Variants in CHRM3 observed in about 807,000 individuals in gnomAD.
The protein encoded by CHRM3 is cholinergic receptor muscarinic 3.
Under a neutral mutation model 41.8 loss-of-function variants are expected in CHRM3, and 11 were observed. The ratio of observed to expected loss-of-function variants is 0.26; its 90% CI spans 0.17 to 0.44. The LOEUF is 0.44. Among genes scored for constraint, CHRM3 ranks in the 20% least tolerant of loss-of-function variants. The pLI is 1.00. For missense variants in CHRM3, 571 were observed against 745.4 expected (o/e 0.77, Z 2.72); for synonymous variants, 297 against 301.4 (o/e 0.99, Z 0.15).
At chr1:239,493,696 G>A (rs1433815316) in intron 2 of CHRM3, among the ~76,000 whole-genome samples, 1 of 152,198 alleles carries the variant, frequency 6.6e-6, no homozygotes, top group Non-Finnish European at 1.5e-5. Context: ...CTATAAGGAA[G>A]AATGAGAATT....
intron 1 of CHRM3, among the ~76,000 whole-genome samples, chr1:239,408,859 C>T (rs1660850661): frequency 6.6e-6 from 1 of 151,694 alleles, no homozygotes; most frequent in Non-Finnish European, 1.5e-5. Context: ...TGGACTCAAG[C>T]AGTCCTCCCG....
chr1:239,495,630 G>T (rs1667829956), intron 2 of CHRM3, among the ~76,000 whole-genome samples: 1 of 152,122 alleles, frequency 6.6e-6, no homozygotes, highest in Non-Finnish European at 1.5e-5. Context: ...ACAGGGTCCT[G>T]CTCCTCACCA....
intron 3 of CHRM3, among the ~76,000 whole-genome samples, chr1:239,630,967 C>T (rs1270292447): frequency 1.3e-5 from 2 of 151,926 alleles, no homozygotes; most frequent in Non-Finnish European, 1.5e-5. Context: ...GGGTCAGTTG[C>T]CCTCCCTTGT....
intron 3 of CHRM3, among the ~76,000 whole-genome samples, chr1:239,617,094 A>G (rs1274103715): frequency 6.6e-6 from 1 of 152,262 alleles, no homozygotes; most frequent in East Asian, 1.9e-4. Flanking sequence ...TAGCTCCCCT[A>G]CATGGTCAAA....
At chr1:239,803,963 C>G (rs1050140617) in intron 5 of CHRM3, among the ~76,000 whole-genome samples, 4 of 152,216 alleles carry the variant, frequency 2.6e-5, no homozygotes, top group Non-Finnish European at 4.4e-5. Context: ...TGGTTTCCTG[C>G]CTTTCTAAGA....
At chr1:239,553,262 A>C (rs2148453339) in intron 3 of CHRM3, among the ~76,000 whole-genome samples, 1 of 152,220 alleles carries the variant, frequency 6.6e-6, no homozygotes, top group Non-Finnish European at 1.5e-5. Context: ...TATTTTTGAA[A>C]ATAAAATTAA....
intron 5 of CHRM3, among the ~76,000 whole-genome samples, chr1:239,708,731 ATTTTCTT>A (rs1558474288): frequency 1.9e-5 from 1 of 53,352 alleles, no homozygotes; most frequent in African/African-American, 6.3e-5. Context: ...TCTGGTTTAA[ATTTTCTT>A]TTTTTTTTTT....
chr1:239,479,139 G>A (rs1363619072), intron 1 of CHRM3, among the ~76,000 whole-genome samples: 2 of 151,262 alleles, frequency 1.3e-5, no homozygotes, highest in African/African-American at 2.4e-5. Context: ...AGCCAAGATT[G>A]TGCCTCTGCT....
chr1:239,423,170 A>T (rs950136745), intron 1 of CHRM3, among the ~76,000 whole-genome samples: 4 of 152,234 alleles, frequency 2.6e-5, no homozygotes, highest in African/African-American at 9.6e-5. Flanking sequence ...GAAAAGATTG[A>T]AATTCCAAAG....
At chr1:239,573,886 C>A (rs953539189) in intron 3 of CHRM3, among the ~76,000 whole-genome samples, 1 of 151,990 alleles carries the variant, frequency 6.6e-6, no homozygotes, top group Admixed American at 6.6e-5. Flanking sequence ...TTGTCTTCCA[C>A]ACTAGGTCCC....
chr1:239,434,796 A>C (rs922036870), intron 1 of CHRM3, among the ~76,000 whole-genome samples: 1 of 152,218 alleles, frequency 6.6e-6, no homozygotes, highest in African/African-American at 2.4e-5. Flanking sequence ...AGAGAAGAAG[A>C]AAAGAAAATA....
chr1:239,560,662 A>G (rs1216789475), intron 3 of CHRM3, among the ~76,000 whole-genome samples: 2 of 152,038 alleles, frequency 1.3e-5, no homozygotes, highest in African/African-American at 4.8e-5. Flanking sequence ...GCAACTTTAA[A>G]TATATATGTG....
At chr1:239,821,060 C>T (rs1009178276) in intron 5 of CHRM3, among the ~76,000 whole-genome samples, 1 of 152,052 alleles carries the variant, frequency 6.6e-6, no homozygotes, top group African/African-American at 2.4e-5. Context: ...GGTTTATTAT[C>T]CTCTTGTGAT....
chr1:239,809,952 G>C (rs1670987871), intron 5 of CHRM3, among the ~76,000 whole-genome samples: 2 of 152,224 alleles, frequency 1.3e-5, no homozygotes, highest in South Asian at 2.1e-4. Context: ...GGTAGTGTCT[G>C]CTCGACTAAG....
chr1:239,888,530 T>C (rs887851993), intron 6 of CHRM3, among the ~76,000 whole-genome samples: 6 of 150,756 alleles, frequency 4.0e-5, no homozygotes, highest in Non-Finnish European at 8.8e-5. Context: ...CCCAGGAGGT[T>C]GAGGTTGCAG....
At chr1:239,702,248 G>T (rs1411007401) in intron 5 of CHRM3, among the ~76,000 whole-genome samples, 1 of 152,142 alleles carries the variant, frequency 6.6e-6, no homozygotes, top group African/African-American at 2.4e-5. Flanking sequence ...ACATTTTGGG[G>T]TAATTAACCT....
At position 239,907,503 on chromosome 1, in the gene CHRM3, T is replaced by A. The variant is rs1275601828; in HGVS notation, c.52T>A (p.Ser18Thr). 3.1e-6 allele frequency: 5 copies of A among 1,614,090 alleles called. No individual in the cohort carries two copies. The South Asian group carries it at 5.5e-5, about 18-fold the overall frequency. The change falls in exon 7 of 7, where the codon TCC (serine) becomes ACC (threonine). Residue 18 changes from serine to threonine, a missense_variant. This residue lies in a region of CHRM3 where 92 missense variants were observed against 76.1 expected (regional missense o/e 1.21). Transcript: ENST00000676153. The surrounding 1 kb of genome is among the most constrained non-coding windows in gnomAD (Gnocchi z 5.4). Reference protein sequence around the residue: ...TTSPLFPNISSSWIHSPSDAG... With the variant: ...TTSPLFPNISTSWIHSPSDAG... Reference sequence around the variant, plus strand: ...CTCGCCTTTGTTTCCAAACATCAGCTCCTCCTGGATACACAGCCCCTCCGA... The same window carrying A: ...CTCGCCTTTGTTTCCAAACATCAGCACCTCCTGGATACACAGCCCCTCCGA...
At chr1:239,530,248 T>C (rs1470765381) in intron 2 of CHRM3, among the ~76,000 whole-genome samples, 3 of 152,150 alleles carry the variant, frequency 2.0e-5, no homozygotes, top group Non-Finnish European at 4.4e-5. Context: ...TCTTCAAATA[T>C]AGATCAAATT....
At chr1:239,603,432 T>C (rs1230044348) in intron 3 of CHRM3, among the ~76,000 whole-genome samples, 1 of 152,136 alleles carries the variant, frequency 6.6e-6, no homozygotes, top group African/African-American at 2.4e-5. Context: ...TTCTGTGGCC[T>C]TGGATAAAGT....
Sources: allele counts gnomAD v4.1 joint callset (sites outside exome capture counted in the v4.1 genomes callset), GRCh38; gene constraint gnomAD v4.1.1; regional missense constraint gnomAD v4.1.1; non-coding constraint Gnocchi (gnomAD v3.1); transcripts MANE v1.5; gene names NCBI Gene and HGNC (gene_info 2026-07-23, HGNC 2026-07-21).